Variants in NLN observed in about 807,000 individuals in gnomAD.
NLN encodes neurolysin, mitochondrial.
Under a neutral mutation model 79.9 loss-of-function variants are expected in NLN, and 64 were observed. That is an observed-to-expected ratio of 0.80 (90% CI 0.65 to 0.99). NLN has a LOEUF of 0.99. Ranked by LOEUF, NLN falls within the 50% of genes least tolerant of loss-of-function variation. NLN has a pLI of 0.00. For missense variants in NLN, 835 were observed against 858.7 expected (o/e 0.97, Z 0.34); for synonymous variants, 267 against 296.6 (o/e 0.90, Z 1.02).
intron 5 of NLN, among the ~76,000 whole-genome samples, chr5:65,781,014 A>C (rs1317197006): frequency 6.6e-6 from 1 of 152,136 alleles, no homozygotes; most frequent in Non-Finnish European, 1.5e-5. Context: ...TTCTCCACTG[A>C]AACATCATTT....
At chr5:65,755,035 T>G (rs1484733384) in intron 1 of NLN, among the ~76,000 whole-genome samples, 1 of 152,190 alleles carries the variant, frequency 6.6e-6, no homozygotes, top group East Asian at 1.9e-4. Flanking sequence ...AATTCAGATA[T>G]CTCACATTTT....
At chr5:65,768,017 G>A (rs1318439169) in intron 3 of NLN, among the ~76,000 whole-genome samples, 1 of 152,064 alleles carries the variant, frequency 6.6e-6, no homozygotes, top group East Asian at 1.9e-4. Flanking sequence ...AGCATTTTTG[G>A]TCACAACCAT....
chr5:65,784,690 T>A (rs1040488675), intron 6 of NLN, among the ~76,000 whole-genome samples: 2 of 152,200 alleles, frequency 1.3e-5, no homozygotes, highest in African/African-American at 4.8e-5. Flanking sequence ...TTGGGGAACA[T>A]TCAGACCATA....
chr5:65,770,862 T>C (rs966746099), intron 3 of NLN, among the ~76,000 whole-genome samples: 4 of 151,824 alleles, frequency 2.6e-5, no homozygotes, highest in Non-Finnish European at 5.9e-5. Flanking sequence ...TTAGTAAAAG[T>C]GAAGGAAAGA....
chr5:65,826,575 G>A lies in NLN; in HGVS notation c.*3660G>A, dbSNP rs1048235353. 2 of 152,180 alleles carry A rather than the reference G, an allele frequency of 1.3e-5. No homozygotes were observed. The highest frequency in any genetic ancestry group is 1.5e-5 in the Non-Finnish European group (1 of 68,048). The allele number at this position is 152,180 out of a possible 1,614,324, so 9.4% of individuals were successfully genotyped here. On this transcript the variant is annotated 3_prime_UTR_variant, in exon 13 of 13. Coordinates refer to ENST00000380985, the MANE Select transcript of NLN (RefSeq NM_020726.5). ...TGAAATTGGATAGCCCACTGAAATTGAACATGCCTTCTCTTATAAATGTGT... is the reference window on the plus strand; with the variant it reads ...TGAAATTGGATAGCCCACTGAAATTAAACATGCCTTCTCTTATAAATGTGT...
chr5:65,725,851 G>A (rs957305781), intron 1 of NLN, among the ~76,000 whole-genome samples: 1 of 152,172 alleles, frequency 6.6e-6, no homozygotes, highest in African/African-American at 2.4e-5. Flanking sequence ...GGTGGCTCAC[G>A]CCTGTAATCC....
chr5:65,762,084 G>A (rs1759351712), intron 2 of NLN, among the ~76,000 whole-genome samples: 1 of 152,106 alleles, frequency 6.6e-6, no homozygotes, highest in Non-Finnish European at 1.5e-5. Context: ...ACAAATTGAT[G>A]AAAAACCCAG....
At chr5:65,763,955 T>A (rs569036252) in intron 3 of NLN, among the ~76,000 whole-genome samples, 5 of 152,286 alleles carry the variant, frequency 3.3e-5, no homozygotes, top group African/African-American at 1.2e-4. Context: ...TCTATAAACT[T>A]CATGGTGAAA....
chr5:65,738,980 T>G (rs1454642465), intron 1 of NLN, among the ~76,000 whole-genome samples: 1 of 28,300 alleles, frequency 3.5e-5, no homozygotes, highest in Non-Finnish European at 6.9e-5. Context: ...AATATATATA[T>G]TATATATTTA....
intron 3 of NLN, 96 bp downstream of exon 3, chr5:65,763,204 G>T: frequency 9.3e-7 from 1 of 1,069,960 alleles, no homozygotes; most frequent in Non-Finnish European, 1.4e-6. Flanking sequence ...GATTTTCTTA[G>T]CTTTTGTTTC....
At chr5:65,817,732 G>C (rs1159550348) in intron 12 of NLN, among the ~76,000 whole-genome samples, 1 of 152,144 alleles carries the variant, frequency 6.6e-6, no homozygotes, top group East Asian at 1.9e-4. Context: ...AGTCTGTAAT[G>C]CCATAAGGAA....
chr5:65,736,014 C>T (rs955737603), intron 1 of NLN, among the ~76,000 whole-genome samples: 2 of 152,058 alleles, frequency 1.3e-5, no homozygotes, highest in African/African-American at 4.8e-5. Context: ...AAAAATGTGT[C>T]AATATATAAA....
rs750472029 is a variant in NLN at position 65,792,558 on chromosome 5, C to T, written c.1430C>T (p.Ser477Leu). ...MAVAALVVNF[S>L]QPVAGRPSLL... ...GTGGCTGCCCTCGTGGTGAACTTCT[C>T]ACAGCCAGTGGCAGGTCGTCCCTCT... Residue 477 changes from serine (S) to leucine (L), a missense_variant, in exon 9 of 13, where the codon TCA becomes TTA. Coordinates refer to ENST00000380985, the MANE Select transcript of NLN (RefSeq NM_020726.5). 6.2e-7 allele frequency: 1 copy of T among 1,613,864 alleles called. No homozygotes were observed. Among genetic ancestry groups the T allele is most frequent in the Non-Finnish European group, 8.5e-7 (1 of 1,179,760 alleles).
At chr5:65,727,104 A>G (rs1758490293) in intron 1 of NLN, among the ~76,000 whole-genome samples, 1 of 152,222 alleles carries the variant, frequency 6.6e-6, no homozygotes. Context: ...TTGCTGTTCA[A>G]TTCACTTTGT....
chr5:65,791,954 G>T (rs1325455041), intron 8 of NLN, among the ~76,000 whole-genome samples: 1 of 152,138 alleles, frequency 6.6e-6, no homozygotes, highest in Non-Finnish European at 1.5e-5. Flanking sequence ...GGCCTGTCTA[G>T]TTTATAAAAG....
Position 65,762,967 on chromosome 5 carries a change from G to A in NLN, c.309G>A (p.Arg103=). 6.2e-7 allele frequency: 1 copy of A among 1,613,724 alleles called. No individual in the cohort carries two copies. The highest frequency in any genetic ancestry group is 1.1e-5 in the South Asian group (1 of 90,994). ...TTTTTTCTCCATCTGCAGTGGAAAG[G>A]ACCATGCTAGACTTTCCCCAGCATG... ...ADVEVKYIVE[R]TMLDFPQHVS... The change falls in exon 3 of 13, where the codon AGG becomes AGA. Residue 103 remains arginine (R), a synonymous_variant. Transcript: ENST00000380985.
chr5:65,821,626 G>A (rs1034802412), intron 12 of NLN, among the ~76,000 whole-genome samples: 1 of 152,074 alleles, frequency 6.6e-6, no homozygotes, highest in Non-Finnish European at 1.5e-5. Flanking sequence ...TGTTTCTGTT[G>A]GACAGTGCAG....
chr5:65,799,432 A>G (rs1484532954), intron 9 of NLN, among the ~76,000 whole-genome samples: 2 of 152,182 alleles, frequency 1.3e-5, no homozygotes, highest in Non-Finnish European at 2.9e-5. Flanking sequence ...AACAAGGGAA[A>G]ATATCTTTGA....
At chr5:65,814,509 C>T (rs1404053953) in intron 12 of NLN, among the ~76,000 whole-genome samples, 2 of 152,128 alleles carry the variant, frequency 1.3e-5, no homozygotes, top group Non-Finnish European at 2.9e-5. Context: ...CACATAACTG[C>T]ATGTTCAAGA....
Sources: allele counts gnomAD v4.1 joint callset (sites outside exome capture counted in the v4.1 genomes callset), GRCh38; gene constraint gnomAD v4.1.1; transcripts MANE v1.5; gene names NCBI Gene and HGNC (gene_info 2026-07-23, HGNC 2026-07-21).